COX7B2: variants seen among roughly 807,000 people sequenced by gnomAD.
COX7B2 encodes the protein cytochrome c oxidase subunit 7B2, mitochondrial.
For missense variants in COX7B2, 109 were observed against 95.9 expected (o/e 1.14, Z -0.57); for synonymous variants, 37 against 32.1 (o/e 1.15, Z -0.51).
intron 2 of COX7B2, among the ~76,000 whole-genome samples, chr4:46,795,893 T>A (rs1718304168): frequency 4.1e-5 from 1 of 24,678 alleles, no homozygotes; most frequent in African/African-American, 1.7e-4. Context: ...TGGTTTGTAG[T>A]TCTCCTTGAA....
At chr4:46,802,790 C>T (rs1028776075) in intron 2 of COX7B2, among the ~76,000 whole-genome samples, 1 of 152,112 alleles carries the variant, frequency 6.6e-6, no homozygotes, top group Admixed American at 6.5e-5. Context: ...GAATGTGGAA[C>T]TTGCTTAAAT....
chr4:46,739,136 A>T (rs961635464), intron 2 of COX7B2, among the ~76,000 whole-genome samples: 1 of 152,114 alleles, frequency 6.6e-6, no homozygotes, highest in Non-Finnish European at 1.5e-5. Flanking sequence ...GTGTGTTAAG[A>T]CATTGTGCCA....
At chr4:46,759,877 ATATCTTATATAAGTTATATAAGT>A (rs1716039757) in intron 2 of COX7B2, among the ~76,000 whole-genome samples, 1 of 91,522 alleles carries the variant, frequency 1.1e-5, no homozygotes, top group Admixed American at 1.4e-4. Context: ...TATATAAGTC[ATATCTTATATAAGTTATATAAGT>A]CTTATCTTAT....
chr4:46,879,882 T>C (rs1198234638), intron 1 of COX7B2, among the ~76,000 whole-genome samples: 1 of 152,164 alleles, frequency 6.6e-6, no homozygotes, highest in Non-Finnish European at 1.5e-5. Flanking sequence ...GGACTGGTGT[T>C]CTCTGTATTA....
chr4:46,899,717 A>G lies in COX7B2; in HGVS notation c.-105+9443T>C, dbSNP rs999367950. Among the ~76,000 whole-genome samples the G allele has an allele frequency of 1.5e-4, 23 of 152,234 alleles. 1 individual carries two copies. The highest frequency in any genetic ancestry group is 5.5e-4 in the African/African-American group (23 of 41,460). ...CAAATTCATTTCATAAATAAAATAAATAAATGTAAAAGTATTTTCCATTTG... is the reference window on the plus strand; with the variant it reads ...CAAATTCATTTCATAAATAAAATAAGTAAATGTAAAAGTATTTTCCATTTG... On this transcript the variant is annotated intron_variant, in intron 1 of 2. Coordinates refer to ENST00000355591, the MANE Select transcript of COX7B2 (RefSeq NM_130902.3).
At chr4:46,843,467 T>C (rs903493835) in intron 2 of COX7B2, among the ~76,000 whole-genome samples, 3 of 151,996 alleles carry the variant, frequency 2.0e-5, no homozygotes, top group Non-Finnish European at 4.4e-5. Flanking sequence ...CAAGTAAATA[T>C]GAAAGCTGGG....
chr4:46,815,046 C>T (rs922624987), intron 2 of COX7B2, among the ~76,000 whole-genome samples: 9 of 151,822 alleles, frequency 5.9e-5, no homozygotes, highest in Admixed American at 3.9e-4. Context: ...ATTAGCCAGG[C>T]GTGGTGGTGC....
At chr4:46,741,977 T>G (rs142562892) in intron 2 of COX7B2, among the ~76,000 whole-genome samples, 1,710 of 152,252 alleles carry the variant, frequency 0.011, 19 homozygotes, top group Middle Eastern at 0.037. Flanking sequence ...GGGCTTTTCC[T>G]TGGCGGAAAA....
At chr4:46,762,465 ATG>A (rs1560362377) in intron 2 of COX7B2, among the ~76,000 whole-genome samples, 69 of 125,678 alleles carry the variant, frequency 5.5e-4, no homozygotes, top group Non-Finnish European at 1.1e-3. Flanking sequence ...TATATAGTAT[ATG>A]TACTATATAT....
intron 2 of COX7B2, among the ~76,000 whole-genome samples, chr4:46,786,660 A>G (rs1447544687): frequency 2.0e-5 from 3 of 152,194 alleles, no homozygotes; most frequent in Admixed American, 6.5e-5. Context: ...CTTAGGGTTT[A>G]CAGCCTGGTA....
At chr4:46,835,193 A>G (rs1715425157) in intron 2 of COX7B2, among the ~76,000 whole-genome samples, 1 of 152,156 alleles carries the variant, frequency 6.6e-6, no homozygotes. Context: ...ACAGCATGAC[A>G]TAAAGGACAA....
intron 2 of COX7B2, among the ~76,000 whole-genome samples, chr4:46,767,869 G>A (rs961033883): frequency 6.6e-6 from 1 of 152,188 alleles, no homozygotes; most frequent in Non-Finnish European, 1.5e-5. Flanking sequence ...TAATGAGGTG[G>A]GATAGTTCCC....
intron 2 of COX7B2, among the ~76,000 whole-genome samples, chr4:46,746,342 T>C (rs1488939904): frequency 6.6e-6 from 1 of 152,212 alleles, no homozygotes; most frequent in Admixed American, 6.5e-5. Context: ...AACTCATATA[T>C]GTGTTTTCTA....
intron 2 of COX7B2, among the ~76,000 whole-genome samples, chr4:46,832,097 G>A (rs1478863223): frequency 6.6e-6 from 1 of 152,174 alleles, no homozygotes; most frequent in South Asian, 2.1e-4. Flanking sequence ...AGCTGCCCCA[G>A]CCAGCAGTGG....
chr4:46,782,043 G>C lies in COX7B2; in HGVS notation c.-49-46802C>G, dbSNP rs571232589. ...TGACCTCCCAAGGGCTGAGGAGTAC[G>C]GGCACGTGGCGCGGACTGGTGGGCA... On this transcript the variant is annotated intron_variant, in intron 2 of 2. Transcript: ENST00000355591. Among the ~76,000 whole-genome samples, 7 of 152,292 alleles carry C rather than the reference G, an allele frequency of 4.6e-5. No individual in the cohort carries two copies. The East Asian group carries it at 9.7e-4, about 21-fold the overall frequency.
chr4:46,801,895 G>A (rs1258815698), intron 2 of COX7B2, among the ~76,000 whole-genome samples: 1 of 151,996 alleles, frequency 6.6e-6, no homozygotes, highest in Non-Finnish European at 1.5e-5. Flanking sequence ...ATAGTGGGGG[G>A]AAAAAAGAAG....
intron 2 of COX7B2, among the ~76,000 whole-genome samples, chr4:46,800,405 C>G (rs1330077127): frequency 6.6e-6 from 1 of 152,024 alleles, no homozygotes; most frequent in Non-Finnish European, 1.5e-5. Flanking sequence ...GGTACTGGCA[C>G]AAAAACAGAC....
intron 2 of COX7B2, among the ~76,000 whole-genome samples, chr4:46,764,662 A>C (rs1487534255): frequency 6.8e-6 from 1 of 147,088 alleles, no homozygotes; most frequent in Non-Finnish European, 1.5e-5. Flanking sequence ...CCTGGGCAAC[A>C]AAGTGAGACT....
At chr4:46,822,649 T>G (rs1254945705) in intron 2 of COX7B2, among the ~76,000 whole-genome samples, 1 of 152,156 alleles carries the variant, frequency 6.6e-6, no homozygotes, top group Non-Finnish European at 1.5e-5. Flanking sequence ...GCCTAGATGT[T>G]TTCACAATTC....
Sources: gnomAD v4.1 joint callset for allele counts (sites outside exome capture counted in the v4.1 genomes callset) on GRCh38, gnomAD v4.1.1 for gene constraint, MANE v1.5 for transcripts, NCBI Gene and HGNC (gene_info 2026-07-23, HGNC 2026-07-21) for gene names.